The following FERMT2 variants were observed in gnomAD, a reference collection of about 807,000 sequenced individuals.
FERMT2 encodes FERM domain containing kindlin 2.
A neutral mutation model predicts 82.7 loss-of-function variants in FERMT2; 15 were observed. The ratio of observed to expected loss-of-function variants is 0.18; its 90% confidence interval spans 0.12 to 0.28. FERMT2 has a LOEUF of 0.28. Ranked by LOEUF, FERMT2 falls within the 10% of genes least tolerant of loss-of-function variation. The pLI is 1.00. For synonymous variants in FERMT2, 274 were observed against 271.5 expected (o/e 1.01, Z -0.09); for missense variants, 645 against 809.4 (o/e 0.80, Z 2.46).
intron 2 of FERMT2, 66 bp downstream of exon 2, chr14:52,950,346 A>G: frequency 7.5e-6 from 11 of 1,460,160 alleles, no homozygotes; most frequent in Non-Finnish European, 7.5e-6. Context: ...CCCCGTCGTG[A>G]GCCTCTTTCC....
intron 2 of FERMT2, among the ~76,000 whole-genome samples, chr14:52,946,033 T>C (rs1036738393): frequency 1.3e-5 from 2 of 151,958 alleles, no homozygotes; most frequent in Admixed American, 1.3e-4. Context: ...CCCATCACCA[T>C]ACCCGGCTAA....
At chr14:52,904,047 A>C (rs1307950554) in intron 3 of FERMT2, among the ~76,000 whole-genome samples, 1 of 152,254 alleles carries the variant, frequency 6.6e-6, no homozygotes, top group East Asian at 1.9e-4. Context: ...ATGATAAAAA[A>C]GATATATGAC....
rs1034607139 is a variant in FERMT2 at position 52,922,046 on chromosome 14, C to T, written c.158-2690G>A. Among the ~76,000 whole-genome samples the T allele has an allele frequency of 2.0e-5, 3 of 152,246 alleles. No individual in the cohort carries two copies. The East Asian group carries it at 5.8e-4, about 30-fold the overall frequency. On this transcript the variant is annotated intron_variant, in intron 2 of 14. Transcript: ENST00000341590. ...ACTTGGGTTCCTCCAGAAGGCATCCCTGACCTAAGAACTTGGGTGCAAGCA... is the reference window on the plus strand; with the variant it reads ...ACTTGGGTTCCTCCAGAAGGCATCCTTGACCTAAGAACTTGGGTGCAAGCA...
intron 3 of FERMT2, among the ~76,000 whole-genome samples, chr14:52,913,112 G>GT (rs1169030804): frequency 6.6e-6 from 1 of 152,156 alleles, no homozygotes; most frequent in African/African-American, 2.4e-5. Flanking sequence ...TTGCAAAAGT[G>GT]TAAGAACACA....
intron 2 of FERMT2, among the ~76,000 whole-genome samples, chr14:52,943,922 T>C (rs1466794565): frequency 6.6e-6 from 1 of 152,204 alleles, no homozygotes; most frequent in Non-Finnish European, 1.5e-5. Flanking sequence ...TTATAAGTAA[T>C]TGAATAAACA....
chr14:52,859,521 C>T, intron 14 of FERMT2, 52 bp downstream of exon 14: 1 of 1,440,110 alleles, frequency 6.9e-7, no homozygotes, highest in Non-Finnish European at 9.2e-7. Flanking sequence ...TCTTAATGTA[C>T]TAATTTGTAT....
In FERMT2 at chr14:52,884,133, T is replaced by C. The variant is rs117437769; in HGVS notation, c.527-2664A>G. 4.5e-4 allele frequency among the ~76,000 whole-genome samples: 68 copies of C among 152,368 alleles called. No homozygotes were observed. The East Asian group carries it at 0.011, about 25-fold the overall frequency. ...TTCCTATAGTTTGTATCTTCTTCAA[T>C]TCATACTTAATCACTTCGTTGTTCT... On this transcript the variant is annotated intron_variant, in intron 4 of 14. Transcript: ENST00000341590.
At chr14:52,950,286 A>G in intron 2 of FERMT2, 126 bp downstream of exon 2, 4 of 898,570 alleles carry the variant, frequency 4.5e-6, no homozygotes, top group Non-Finnish European at 7.0e-6. Context: ...AAGATTTTAC[A>G]TCTCCAAAAA....
At chr14:52,934,999 G>A (rs555948968) in intron 2 of FERMT2, among the ~76,000 whole-genome samples, 2 of 152,282 alleles carry the variant, frequency 1.3e-5, no homozygotes, top group African/African-American at 4.8e-5. Context: ...GTGCTTTGTG[G>A]ACTGAAGAGT....
At chr14:52,886,743 C>T (rs1886633391) in intron 4 of FERMT2, among the ~76,000 whole-genome samples, 1 of 152,082 alleles carries the variant, frequency 6.6e-6, no homozygotes, top group Admixed American at 6.5e-5. Flanking sequence ...TGCATATAAA[C>T]ACACAGAAAC....
intron 3 of FERMT2, among the ~76,000 whole-genome samples, chr14:52,912,817 A>G (rs1270573827): frequency 6.6e-6 from 1 of 152,014 alleles, no homozygotes; most frequent in Non-Finnish European, 1.5e-5. Flanking sequence ...GCCATAGATC[A>G]TTACTTTCCA....
intron 3 of FERMT2, among the ~76,000 whole-genome samples, chr14:52,917,931 A>G (rs1274361751): frequency 1.3e-5 from 2 of 152,218 alleles, no homozygotes; most frequent in Non-Finnish European, 2.9e-5. Context: ...GTACAGGAGC[A>G]GCATTTGCCC....
intron 3 of FERMT2, among the ~76,000 whole-genome samples, chr14:52,916,011 G>A (rs187085782): frequency 1.1e-3 from 160 of 152,278 alleles, no homozygotes; most frequent in African/African-American, 3.6e-3. Flanking sequence ...TAAACAAGCT[G>A]TGACACATCC....
At chr14:52,915,985 T>C (rs1024388693) in intron 3 of FERMT2, among the ~76,000 whole-genome samples, 1 of 152,150 alleles carries the variant, frequency 6.6e-6, no homozygotes, top group Non-Finnish European at 1.5e-5. Flanking sequence ...AACCAAGATA[T>C]CGTTTGGTGA....
chr14:52,939,673 G>C (rs1458365362), intron 2 of FERMT2, among the ~76,000 whole-genome samples: 1 of 152,192 alleles, frequency 6.6e-6, no homozygotes, highest in Non-Finnish European at 1.5e-5. Context: ...GCTAGTATAT[G>C]GTCAAGTCAG....
At chr14:52,945,130 A>G (rs1890271541) in intron 2 of FERMT2, among the ~76,000 whole-genome samples, 1 of 151,804 alleles carries the variant, frequency 6.6e-6, no homozygotes, top group South Asian at 2.1e-4. Context: ...CTGGTCTCAA[A>G]CTCCTAGCTC....
chr14:52,924,281 T>A (rs1889128151), intron 2 of FERMT2, among the ~76,000 whole-genome samples: 1 of 152,114 alleles, frequency 6.6e-6, no homozygotes, highest in Non-Finnish European at 1.5e-5. Flanking sequence ...ATGGTTTAGG[T>A]GTTACTATGT....
rs945942737 is a variant in FERMT2, at chr14:52,897,708, G to A, written c.392-4281C>T. ...TTAGAAACACTCGGCCAGGCACGAC[G>A]GCTCACGCCTGTAATCCCAGCACTT... On this transcript the variant is annotated intron_variant, in intron 3 of 14. Transcript: ENST00000341590. Among the ~76,000 whole-genome samples the A allele has an allele frequency of 2.6e-5, 4 of 152,148 alleles. No homozygotes were observed. The South Asian group carries it at 6.2e-4, about 24-fold the overall frequency.
intron 2 of FERMT2, among the ~76,000 whole-genome samples, chr14:52,924,853 A>T (rs1889161909): frequency 6.6e-6 from 1 of 152,210 alleles, no homozygotes; most frequent in South Asian, 2.1e-4. Context: ...CTATTACAGC[A>T]TTATTTTAAA....
Sources: allele counts gnomAD v4.1 joint callset (sites outside exome capture counted in the v4.1 genomes callset), GRCh38; gene constraint gnomAD v4.1.1; transcripts MANE v1.5; gene names NCBI Gene and HGNC (gene_info 2026-07-23, HGNC 2026-07-21).